NUDT2: variants seen among roughly 807,000 people sequenced by gnomAD.
The protein encoded by NUDT2 is bis(5'-nucleosyl)-tetraphosphatase [asymmetrical].
NUDT2 carries 12 observed loss-of-function variants against 14.2 expected under a neutral mutation model. The observed-to-expected ratio is 0.84, with a 90% CI of 0.54 to 1.37. The LOEUF is 1.37. Ranked by LOEUF, NUDT2 falls within the 40% of genes most tolerant of loss-of-function variation. NUDT2 has a pLI of 0.00. For synonymous variants in NUDT2, 67 were observed against 67.4 expected (o/e 0.99, Z 0.03); for missense variants, 167 against 176.7 (o/e 0.95, Z 0.31).
chr9:34,330,752 G>A (rs1837894183), intron 1 of NUDT2, among the ~76,000 whole-genome samples: 1 of 152,116 alleles, frequency 6.6e-6, no homozygotes, highest in African/African-American at 2.4e-5. Context: ...ACGAGGTCAG[G>A]AGATCGAGAC....
At chr9:34,339,661 G>C (rs1838184880) in intron 4 of NUDT2, among the ~76,000 whole-genome samples, 1 of 152,094 alleles carries the variant, frequency 6.6e-6, no homozygotes, top group South Asian at 2.1e-4. Context: ...TGGGCAAAAT[G>C]GCAAAACCAT....
chr9:34,334,462 A>G (rs1379294171), intron 1 of NUDT2, among the ~76,000 whole-genome samples: 1 of 152,194 alleles, frequency 6.6e-6, no homozygotes, highest in Non-Finnish European at 1.5e-5. Context: ...TGAGGTTTGA[A>G]TCCACTTGGA....
In NUDT2 at chr9:34,333,828, C is replaced by A. The variant is rs576681146; in HGVS notation, c.-264-2401C>A. On this transcript the variant is annotated intron_variant, in intron 1 of 4. Transcript: ENST00000379158. ...GAGTTAGACTTACTTGGATTGAAAT[C>A]CCATCCTTTACAGGCCAGCTATGCC... Among the ~76,000 whole-genome samples, 6 of 152,190 alleles carry A rather than the reference C, an allele frequency of 3.9e-5. No individual in the cohort carries two copies. The South Asian group carries it at 1.0e-3, about 26-fold the overall frequency.
chr9:34,341,644 G>C (rs2131861951), intron 4 of NUDT2, among the ~76,000 whole-genome samples: 1 of 152,264 alleles, frequency 6.6e-6, no homozygotes, highest in South Asian at 2.1e-4. Context: ...CGAGTAGCTG[G>C]GATTACAGAT....
In NUDT2 at chr9:34,343,315, C is replaced by A. The variant is rs1301414946; in HGVS notation, c.319C>A (p.Leu107Ile). 1.9e-6 allele frequency: 3 copies of A among 1,611,778 alleles called. No homozygotes were observed. Among genetic ancestry groups the A allele is most frequent in the Non-Finnish European group, 2.5e-6 (3 of 1,179,480 alleles). Residue 107 changes from leucine (L) to isoleucine (I), a missense_variant, in exon 5 of 5, where the codon CTC becomes ATC. Physicochemically the swap from Leu to Ile is conservative, Grantham distance 5 (BLOSUM62 2). Transcript: ENST00000379158. ...GAAGGACTATGACGTGGAGATCCGC[C>A]TCTCCCATGAGCACCAAGCCTACCG... ...EVKDYDVEIRLSHEHQAYRWL... is the reference protein window; with the variant it reads ...EVKDYDVEIRISHEHQAYRWL...
intron 1 of NUDT2, among the ~76,000 whole-genome samples, chr9:34,332,275 G>T (rs561241630): frequency 6.6e-6 from 1 of 152,156 alleles, no homozygotes; most frequent in Admixed American, 6.5e-5. Context: ...CCTTGCATCC[G>T]CCTCCCTTCT....
chr9:34,339,736 A>G (rs1227561579), intron 4 of NUDT2, among the ~76,000 whole-genome samples: 1 of 152,020 alleles, frequency 6.6e-6, no homozygotes, highest in African/African-American at 2.4e-5. Context: ...CCAGCTACTC[A>G]GGAGGCTGAG....
Position 34,339,184 on chromosome 9 carries a change from C to A in NUDT2, c.127+18C>A. 28 of 1,607,332 alleles carry A rather than the reference C, an allele frequency of 1.7e-5. No individual in the cohort carries two copies. The highest frequency in any genetic ancestry group is 2.3e-5 in the Non-Finnish European group (27 of 1,174,730). On this transcript the variant is annotated intron_variant, in intron 4 of 4. Transcript: ENST00000379158. ...TCCCAAAGGTAGAGGCCAGAGGGGCCAGCTCTTGGGAAACTGCCAACCACT... is the reference window on the plus strand; with the variant it reads ...TCCCAAAGGTAGAGGCCAGAGGGGCAAGCTCTTGGGAAACTGCCAACCACT...
At chr9:34,333,349 A>C (rs548182059) in intron 1 of NUDT2, among the ~76,000 whole-genome samples, 1 of 152,294 alleles carries the variant, frequency 6.6e-6, no homozygotes, top group Non-Finnish European at 1.5e-5. Context: ...ATTTGGGGCC[A>C]GGCACAGTAG....
chr9:34,338,327 T>TAAAAAAAAAAAA lies in NUDT2; in HGVS notation c.-151-367_-151-356dup, dbSNP rs61594121. The stretch of plus-strand genomic sequence containing the variant: ...GGGCAATATAGTGAGACCCTGTCTC[T>TAAAAAAAAAAAA]AAAAAAAAAAAAAAAAAAAAAAAAA... On this transcript the variant is annotated intron_variant, in intron 2 of 4. Transcript: ENST00000379158. Among the ~76,000 whole-genome samples the TAAAAAAAAAAAA allele has an allele frequency of 6.2e-4, 21 of 33,738 alleles. 3 individuals carry two copies. The highest frequency in any genetic ancestry group is 2.0e-3 in the African/African-American group (12 of 5,976). The allele number at this position is 33,738 out of a possible 152,430, so 22.1% of individuals were successfully genotyped here. A position where few individuals can be genotyped will look rare whatever the true frequency, so the allele number is the denominator to read the frequency against.
chr9:34,332,167 G>T (rs1837959909), intron 1 of NUDT2, among the ~76,000 whole-genome samples: 1 of 152,202 alleles, frequency 6.6e-6, no homozygotes, highest in Admixed American at 6.5e-5. Context: ...ACCAGTCAGA[G>T]GCTTCATTGC....
chr9:34,332,738 A>C (rs534947120), intron 1 of NUDT2, among the ~76,000 whole-genome samples: 1 of 152,236 alleles, frequency 6.6e-6, no homozygotes, highest in Non-Finnish European at 1.5e-5. Context: ...TCGTCTCTGC[A>C]AGAATGGAGT....
chr9:34,330,071 G>C (rs888010354), intron 1 of NUDT2, among the ~76,000 whole-genome samples: 1 of 152,246 alleles, frequency 6.6e-6, no homozygotes, highest in African/African-American at 2.4e-5. Context: ...TCGAACAAGA[G>C]CCCCACCGCC....
chr9:34,343,035 GA>G (rs56783603), intron 4 of NUDT2, 88 bp from the exon 5 acceptor site: 109,797 of 989,514 alleles, frequency 0.11, no homozygotes, highest in East Asian at 0.21. Flanking sequence ...AAGCAAAACA[GA>G]AAAAAAAAAA....
chr9:34,331,614 A>G (rs1264310490), intron 1 of NUDT2, among the ~76,000 whole-genome samples: 5 of 152,214 alleles, frequency 3.3e-5, no homozygotes, highest in Admixed American at 3.3e-4. Flanking sequence ...TGGTAGGAGC[A>G]ATATCTTGCT....
chr9:34,336,708 AT>A (rs1350718670), intron 2 of NUDT2, among the ~76,000 whole-genome samples: 1 of 151,190 alleles, frequency 6.6e-6, no homozygotes, highest in Non-Finnish European at 1.5e-5. Context: ...TACCTGGCTA[AT>A]TTTTTTTCTA....
At chr9:34,330,045 G>C (rs1458377671) in intron 1 of NUDT2, among the ~76,000 whole-genome samples, 1 of 152,220 alleles carries the variant, frequency 6.6e-6, no homozygotes, top group Non-Finnish European at 1.5e-5. Context: ...GGCAGTTATA[G>C]CAGAAGTAAA....
intron 1 of NUDT2, among the ~76,000 whole-genome samples, chr9:34,333,707 A>G (rs1324043366): frequency 2.0e-5 from 3 of 150,996 alleles, no homozygotes; most frequent in African/African-American, 7.3e-5. Context: ...ATGATTTTAT[A>G]AATCTTGTCT....
At chr9:34,337,477 A>G (rs1198703432) in intron 2 of NUDT2, among the ~76,000 whole-genome samples, 1 of 152,212 alleles carries the variant, frequency 6.6e-6, no homozygotes, top group African/African-American at 2.4e-5. Flanking sequence ...CCATTTCAGA[A>G]ATCCCCTTTG....
Sources: gnomAD v4.1 joint callset for allele counts (sites outside exome capture counted in the v4.1 genomes callset) on GRCh38, gnomAD v4.1.1 for gene constraint, MANE v1.5 for transcripts, NCBI Gene and HGNC (gene_info 2026-07-23, HGNC 2026-07-21) for gene names.